The following CHRNA5 variants were observed in gnomAD, a reference collection of about 807,000 sequenced individuals.
CHRNA5 encodes the protein neuronal acetylcholine receptor subunit alpha-5.
A neutral mutation model predicts 41.2 loss-of-function variants in CHRNA5; 28 were observed. That is an observed-to-expected ratio of 0.68 (90% CI 0.50 to 0.93). The LOEUF is 0.93. CHRNA5 is among the 40% of genes least tolerant of loss of function. The pLI is 0.00. For missense variants in CHRNA5, 481 were observed against 581.9 expected (o/e 0.83, Z 1.78); for synonymous variants, 188 against 205.8 (o/e 0.91, Z 0.74).
At position 78,588,310 on chromosome 15, in the gene CHRNA5, A is replaced by G; in HGVS notation, c.304-4A>G. ...AAATTGAGGCAGATTTCTTTGTTTT[A>G]AAGGAATGGATAGATGTAAAATTAA... On this transcript the variant is annotated splice_polypyrimidine_tract_variant and splice_region_variant and intron_variant, in intron 3 of 5. Coordinates refer to ENST00000299565, the Ensembl canonical transcript of CHRNA5. The surrounding 1 kb of genome is among the most constrained non-coding windows in gnomAD (Gnocchi z 4.1). The G allele has an allele frequency of 6.8e-7, 1 of 1,464,128 alleles. No homozygotes were observed. Among genetic ancestry groups the G allele is most frequent in the Non-Finnish European group, 9.3e-7 (1 of 1,069,934 alleles). The allele number at this position is 1,464,128 out of a possible 1,614,324, so 90.7% of individuals were successfully genotyped here.
exon 5 of CHRNA5, chr15:78,590,207 C>G: frequency 6.2e-7 from 1 of 1,613,994 alleles, no homozygotes; most frequent in South Asian, 1.1e-5. Context: ...TACTTGTCTT[C>G]TATCTTCCTT....
At chr15:78,592,131 G>C (rs1373108913) in intron 5 of CHRNA5, among the ~76,000 whole-genome samples, 1 of 152,146 alleles carries the variant, frequency 6.6e-6, no homozygotes, top group East Asian at 1.9e-4. Context: ...AGACCAGCCT[G>C]GCCAATATGG....
exon 6 of CHRNA5, chr15:78,595,096 TC>T (rs2053079995): frequency 6.3e-6 from 1 of 158,260 alleles, no homozygotes; most frequent in Non-Finnish European, 1.4e-5. Context: ...GGAGACCCTA[TC>T]TAATTTGCAT....
At chr15:78,569,006 A>G (rs1460937611) in intron 1 of CHRNA5, among the ~76,000 whole-genome samples, 1 of 152,230 alleles carries the variant, frequency 6.6e-6, no homozygotes, top group South Asian at 2.1e-4. Context: ...AAATACACAC[A>G]TACTGACTGT....
chr15:78,565,821 G>C, exon 1 of CHRNA5: 1 of 1,222,056 alleles, frequency 8.2e-7, no homozygotes, highest in Non-Finnish European at 1.0e-6. Flanking sequence ...GCGGCGCGCA[G>C]AGAGGTAAGC....
At chr15:78,570,045 C>T (rs1402267392) in intron 1 of CHRNA5, among the ~76,000 whole-genome samples, 4 of 151,634 alleles carry the variant, frequency 2.6e-5, no homozygotes, top group Admixed American at 2.6e-4. Flanking sequence ...GTCTTGAAAA[C>T]TCCTGACCTC....
At chr15:78,578,470 G>C (rs934798815) in intron 1 of CHRNA5, among the ~76,000 whole-genome samples, 1 of 152,182 alleles carries the variant, frequency 6.6e-6, no homozygotes, top group African/African-American at 2.4e-5. Flanking sequence ...TCACACCACT[G>C]CACTCCAGCC....
intron 1 of CHRNA5, among the ~76,000 whole-genome samples, chr15:78,566,993 C>CT (rs1567048540): frequency 6.6e-6 from 1 of 152,182 alleles, no homozygotes; most frequent in East Asian, 1.9e-4. Context: ...TGGCTCACGC[C>CT]TGTAATCCCA....
chr15:78,574,108 C>T (rs376828051), intron 1 of CHRNA5, among the ~76,000 whole-genome samples: 4 of 151,114 alleles, frequency 2.6e-5, no homozygotes, highest in East Asian at 3.9e-4. Flanking sequence ...CCACCGTGCC[C>T]GGCCTAGAAT....
rs1567058308 is a variant in CHRNA5, at chr15:78,582,494, AAGAAAAG to A, written c.258+1534_258+1540del. Among the ~76,000 whole-genome samples, 13 of 76,786 alleles carry A rather than the reference AAGAAAAG, an allele frequency of 1.7e-4. 1 individual carries two copies. The highest frequency in any genetic ancestry group is 3.4e-4 in the South Asian group (1 of 2,956). 50.4% of individuals were successfully genotyped at this position (76,786 alleles called of 152,430 possible). ...AGCAAGACTCTGTCTCAAAAAAAAAAAGAAAAGAAAAGAAAAAGTAAGGTGGGTGGGG... is the reference window on the plus strand; with the variant it reads ...AGCAAGACTCTGTCTCAAAAAAAAAAAAAAGAAAAAGTAAGGTGGGTGGGG... On this transcript the variant is annotated intron_variant, in intron 2 of 5. Coordinates refer to ENST00000299565, the Ensembl canonical transcript of CHRNA5.
At chr15:78,591,530 G>T (rs1458171919) in intron 5 of CHRNA5, among the ~76,000 whole-genome samples, 1 of 152,060 alleles carries the variant, frequency 6.6e-6, no homozygotes, top group Non-Finnish European at 1.5e-5. Context: ...TTAAAATTAT[G>T]TGAATTATAA....
intron 1 of CHRNA5, among the ~76,000 whole-genome samples, chr15:78,575,896 G>A (rs909484929): frequency 1.3e-5 from 2 of 152,294 alleles, no homozygotes; most frequent in Middle Eastern, 6.8e-3. Flanking sequence ...GATGGCTAAA[G>A]GTGTTGAGCA....
intron 2 of CHRNA5, among the ~76,000 whole-genome samples, chr15:78,582,353 C>T (rs2052920137): frequency 6.6e-6 from 1 of 151,836 alleles, no homozygotes; most frequent in Admixed American, 6.6e-5. Flanking sequence ...GGGCGGTGGT[C>T]CGTGCCTGTA....
At chr15:78,583,336 G>C (rs1041371782) in intron 2 of CHRNA5, among the ~76,000 whole-genome samples, 2 of 152,172 alleles carry the variant, frequency 1.3e-5, no homozygotes, top group African/African-American at 4.8e-5. Flanking sequence ...CTTGACCACT[G>C]AATATGGAGG....
chr15:78,576,428 G>A (rs2052857390), intron 1 of CHRNA5, among the ~76,000 whole-genome samples: 1 of 152,204 alleles, frequency 6.6e-6, no homozygotes, highest in South Asian at 2.1e-4. Flanking sequence ...TTACAGGCGT[G>A]AGCCACCGCG....
Position 78,574,752 on chromosome 15 carries a change from G to A in CHRNA5, c.107-6059G>A, listed in dbSNP as rs77258183. 9.2e-3 allele frequency among the ~76,000 whole-genome samples: 1,405 copies of A among 152,146 alleles called. 142 individuals carry two copies. The East Asian group carries it at 0.24, about 26-fold the overall frequency. On this transcript the variant is annotated intron_variant, in intron 1 of 5. Transcript: ENST00000299565. Reference sequence around the variant, plus strand: ...CCCAGCACTTTGGGAGGCCGAGACAGGTGGATTTCTTGAGCTCAGGAGTTC... The same window carrying A: ...CCCAGCACTTTGGGAGGCCGAGACAAGTGGATTTCTTGAGCTCAGGAGTTC...
chr15:78,565,812 C>T lies in CHRNA5; in HGVS notation c.93C>T (p.Gly31=), dbSNP rs555177593. ...GCTGCGGTCTAGCGGGCGCGGCGGG[C>T]GGCGCGCAGAGAGGTAAGCCCGGGC... Residue 31 remains glycine, a synonymous_variant, in exon 1 of 6, where the codon GGC becomes GGT. Transcript: ENST00000299565. 1.6e-4 allele frequency: 191 copies of T among 1,220,808 alleles called. 1 individual carries two copies. In the African/African-American group the frequency reaches 2.6e-3, roughly 17 times the overall value. 75.6% of individuals were successfully genotyped at this position (1,220,808 alleles called of 1,614,324 possible).
At chr15:78,571,624 C>T (rs1446465837) in intron 1 of CHRNA5, among the ~76,000 whole-genome samples, 6 of 142,828 alleles carry the variant, frequency 4.2e-5, no homozygotes, top group South Asian at 2.2e-4. Flanking sequence ...CTCGTCTCCT[C>T]GAGAACTATT....
At chr15:78,580,818 T>A in exon 2 of CHRNA5, 1 of 1,611,844 alleles carries the variant, frequency 6.2e-7, no homozygotes, top group Non-Finnish European at 8.5e-7. Context: ...CAGGATTATC[T>A]GAACCTTCTT....
Sources: gnomAD v4.1 joint callset for allele counts (sites outside exome capture counted in the v4.1 genomes callset) on GRCh38, gnomAD v4.1.1 for gene constraint, Gnocchi (gnomAD v3.1) non-coding constraint, MANE v1.5 for transcripts, NCBI Gene and HGNC (gene_info 2026-07-23, HGNC 2026-07-21) for gene names.